SMCHD1: variants seen among roughly 807,000 people sequenced by gnomAD.
The protein encoded by SMCHD1 is structural maintenance of chromosomes flexible hinge domain containing 1, also known as structural maintenance of chromosomes flexible hinge domain-containing protein 1.
Under a neutral mutation model 254.7 loss-of-function variants are expected in SMCHD1, and 78 were observed. That is an observed-to-expected ratio of 0.31 (90% CI 0.26 to 0.37). The LOEUF (loss-of-function observed/expected upper bound fraction) is 0.37. Among genes scored for constraint, SMCHD1 ranks in the 10% least tolerant of loss-of-function variants. The pLI is 1.00. For missense variants in SMCHD1, 1,840 were observed against 2,408.1 expected (o/e 0.76, Z 4.94); for synonymous variants, 766 against 794.9 (o/e 0.96, Z 0.61).
intron 17 of SMCHD1, among the ~76,000 whole-genome samples, chr18:2,716,579 C>T (rs1303015463): frequency 1.3e-5 from 2 of 152,194 alleles, no homozygotes; most frequent in South Asian, 4.1e-4. Flanking sequence ...ATCCTGCATT[C>T]TGGCCACCCC....
intron 8 of SMCHD1, 91 bp downstream of exon 8, chr18:2,694,784 C>A (rs1450577114): frequency 7.3e-6 from 8 of 1,095,196 alleles, no homozygotes; most frequent in Admixed American, 2.5e-5. Context: ...CTTTGGTATC[C>A]GTTTTGCTCC....
rs764624418 is a variant in SMCHD1, at chr18:2,751,382, C to A, written c.4270C>A (p.Pro1424Thr). The change falls in exon 33 of 48, where the codon CCC (proline) becomes ACC (threonine). Residue 1424 changes from proline (P) to threonine (T), a missense_variant. By Grantham distance (38) the Pro-to-Thr change is conservative. Coordinates refer to ENST00000320876, the MANE Select transcript of SMCHD1 (RefSeq NM_015295.3). ...MWKLSTSGNR[P>T]PANAETFSCN... ...GAAGCTGTCTACCAGTGGGAACCGA[C>A]CCCCAGCAAATGTGAGTCATGGGAA... is the stretch of plus-strand genomic sequence containing the variant. 1 of 1,559,550 alleles carries A rather than the reference C, an allele frequency of 6.4e-7. No homozygotes were observed. The highest frequency in any genetic ancestry group is 8.6e-7 in the Non-Finnish European group (1 of 1,159,066).
At position 2,755,729 on chromosome 18, in the gene SMCHD1, A is replaced by G. The variant is rs1321368757; in HGVS notation, c.4346+3177A>G. ...ACTATAGGCACCTGCCACCACGCCC[A>G]GCTAATTTTTTGTATTTTTAGTAGA... is the stretch of plus-strand genomic sequence containing the variant. On this transcript the variant is annotated intron_variant, in intron 34 of 47. Coordinates refer to ENST00000320876, the MANE Select transcript of SMCHD1 (RefSeq NM_015295.3). 5.9e-5 allele frequency among the ~76,000 whole-genome samples: 9 copies of G among 151,424 alleles called. No individual in the cohort carries two copies. In the East Asian group the frequency reaches 9.7e-4, roughly 16 times the overall value.
At chr18:2,727,390 T>A (rs1449780019) in intron 22 of SMCHD1, among the ~76,000 whole-genome samples, 1 of 152,118 alleles carries the variant, frequency 6.6e-6, no homozygotes, top group African/African-American at 2.4e-5. Context: ...TTCCCTCCAG[T>A]GTGAATTGTT....
chr18:2,781,192 T>C (rs2076152102), intron 44 of SMCHD1, among the ~76,000 whole-genome samples: 2 of 152,166 alleles, frequency 1.3e-5, no homozygotes, highest in Admixed American at 1.3e-4. Context: ...TAAACAAACA[T>C]ATAAACCTGC....
At chr18:2,706,603 A>AG (rs1238229330) in intron 15 of SMCHD1, 133 bp downstream of exon 15, 1 of 506,932 alleles carries the variant, frequency 2.0e-6, no homozygotes, top group Non-Finnish European at 3.4e-6. Flanking sequence ...ATTGAGATGA[A>AG]CTTCTTGTTG....
At chr18:2,688,222 C>G (rs2074096203) in intron 5 of SMCHD1, among the ~76,000 whole-genome samples, 172 bp from the exon 6 acceptor site, 1 of 152,216 alleles carries the variant, frequency 6.6e-6, no homozygotes, top group African/African-American at 2.4e-5. Flanking sequence ...GGCCTGGGGA[C>G]TACACTTTGA....
At chr18:2,793,620 G>A (rs1261960) in intron 45 of SMCHD1, among the ~76,000 whole-genome samples, 10 of 140,972 alleles carry the variant, frequency 7.1e-5, no homozygotes, top group African/African-American at 2.1e-4. Flanking sequence ...AGCCAAGATC[G>A]CGCCACTGCA....
intron 44 of SMCHD1, among the ~76,000 whole-genome samples, chr18:2,778,620 T>G (rs1001254335): frequency 1.3e-5 from 2 of 149,432 alleles, no homozygotes; most frequent in Admixed American, 6.7e-5. Flanking sequence ...TAATAGAAAT[T>G]TATTGTATCA....
In SMCHD1 at chr18:2,771,491, G is replaced by A. The variant is rs370619600; in HGVS notation, c.4967-42G>A. ...TATTTTTCAAAAACTATGATTTGGGGGCTATCAGAAATTGATGCAAATTTT... is the reference window on the plus strand; with the variant it reads ...TATTTTTCAAAAACTATGATTTGGGAGCTATCAGAAATTGATGCAAATTTT... On this transcript the variant is annotated intron_variant, in intron 39 of 47. Transcript: ENST00000320876. The A allele has an allele frequency of 9.4e-5, 129 of 1,371,560 alleles. No homozygotes were observed. In the Middle Eastern group the frequency reaches 1.1e-3, roughly 12 times the overall value. 85.0% of individuals were successfully genotyped at this position (1,371,560 alleles called of 1,614,324 possible). A position where few individuals can be genotyped will look rare whatever the true frequency, so the allele number is the denominator to read the frequency against.
At chr18:2,764,428 T>C (rs2075834764) in intron 37 of SMCHD1, among the ~76,000 whole-genome samples, 1 of 152,202 alleles carries the variant, frequency 6.6e-6, no homozygotes, top group South Asian at 2.1e-4. Flanking sequence ...AAAGTAAGCC[T>C]ACATCATTGT....
In SMCHD1 at chr18:2,732,354, A is replaced by T. The variant is rs138078408; in HGVS notation, c.3138A>T (p.Gly1046=). 1.2e-4 allele frequency: 196 copies of T among 1,613,882 alleles called. 1 individual carries two copies. In the East Asian group the frequency reaches 3.9e-3, roughly 32 times the overall value. Residue 1046 remains glycine (G), a synonymous_variant, in exon 25 of 48, where the codon GGA becomes GGT. Transcript: ENST00000320876. ...VARLQIFSVE[G]QKAIQIKHQD... ...GACTACAAATATTCAGTGTAGAAGG[A>T]CAAAAGGCAATTCAGATCAAACATC...
intron 33 of SMCHD1, among the ~76,000 whole-genome samples, chr18:2,751,870 C>G (rs1031226703): frequency 6.6e-6 from 1 of 152,004 alleles, no homozygotes. Flanking sequence ...TGTTTTTAAC[C>G]TAATATATCA....
intron 34 of SMCHD1, among the ~76,000 whole-genome samples, chr18:2,754,266 T>C (rs1035661814): frequency 1.2e-4 from 19 of 152,228 alleles, no homozygotes; most frequent in African/African-American, 4.3e-4. Context: ...ATTATTGTGT[T>C]GGGGGTTCCC....
chr18:2,685,497 C>G (rs1166169113), intron 5 of SMCHD1, among the ~76,000 whole-genome samples: 1 of 152,072 alleles, frequency 6.6e-6, no homozygotes, highest in Non-Finnish European at 1.5e-5. Context: ...GTATATAATT[C>G]CATGACATTA....
At chr18:2,672,929 T>C (rs571889223) in intron 3 of SMCHD1, 23 of 293,182 alleles carry the variant, frequency 7.8e-5, no homozygotes, top group African/African-American at 5.1e-4. Flanking sequence ...TTTGGACTTG[T>C]GCTTGATGTA....
chr18:2,774,370 T>G (rs2076032479), intron 41 of SMCHD1, among the ~76,000 whole-genome samples: 1 of 152,168 alleles, frequency 6.6e-6, no homozygotes, highest in Admixed American at 6.6e-5. Flanking sequence ...TCCACTAACT[T>G]CTAGAGAATT....
At position 2,743,866 on chromosome 18, in the gene SMCHD1, G is replaced by A. The variant is rs767029395; in HGVS notation, c.3739G>A (p.Val1247Met). The A allele has an allele frequency of 7.4e-6, 12 of 1,613,206 alleles. No individual in the cohort carries two copies. The East Asian group carries it at 2.0e-4, about 27-fold the overall frequency. Residue 1247 changes from valine (V) to methionine (M), a missense_variant, in exon 29 of 48, where the codon GTG becomes ATG. Val to Met is a conservative substitution (Grantham distance 21). This residue lies in a region of SMCHD1 where 881 missense variants were observed against 1,009.5 expected (regional missense o/e 0.87). Transcript: ENST00000320876. Reference protein sequence around the residue: ...TWREFSDFIRVQLISGPPAKL... With the variant: ...TWREFSDFIRMQLISGPPAKL... ...GCGTGAGTTTTCTGACTTTATTCGA[G>A]TGCAACTAATTTCTGGACCTCCTGC...
At chr18:2,702,308 A>AAAAAAAAAAAAAAAAG (rs57964967) in intron 12 of SMCHD1, 7 of 119,826 alleles carry the variant, frequency 5.8e-5, no homozygotes, top group South Asian at 2.6e-4. Flanking sequence ...AAAAAAAAAA[A>AAAAAAAAAAAAAAAAG]GAAGGAAATG....
Sources: gnomAD v4.1 joint callset for allele counts (sites outside exome capture counted in the v4.1 genomes callset) on GRCh38, gnomAD v4.1.1 for gene constraint, gnomAD v4.1.1 regional missense constraint, MANE v1.5 for transcripts, NCBI Gene and HGNC (gene_info 2026-07-23, HGNC 2026-07-21) for gene names.